FAM210A: variants seen among roughly 807,000 people sequenced by gnomAD.
FAM210A encodes family with sequence similarity 210 member A.
A neutral mutation model predicts 25.3 loss-of-function variants in FAM210A; 13 were observed. That is an observed-to-expected ratio of 0.51 (90% confidence interval 0.33 to 0.82). The LOEUF (loss-of-function observed/expected upper bound fraction) is 0.82, where lower values mean the gene tolerates loss of function less well. Among genes scored for constraint, FAM210A ranks in the 40% least tolerant of loss-of-function variants. The probability of loss-of-function intolerance (pLI) is 0.02; values close to 1 mark genes in which losing one functional copy is unlikely to be tolerated. For synonymous variants in FAM210A, 125 were observed against 118.7 expected (o/e 1.05, Z -0.35); for missense variants, 319 against 323.2 (o/e 0.99, Z 0.10).
chr18:13,722,883 A>G (rs1257301890), intron 1 of FAM210A, among the ~76,000 whole-genome samples: 1 of 148,628 alleles, frequency 6.7e-6, no homozygotes, highest in Admixed American at 6.7e-5. Flanking sequence ...TCACTCTGTC[A>G]CTCAGGTTGG....
rs1333136190 is a variant in FAM210A, at chr18:13,666,195, G to A, written c.*285C>T. 8 of 331,738 alleles carry A rather than the reference G, an allele frequency of 2.4e-5. No individual in the cohort carries two copies. The highest frequency in any genetic ancestry group is 1.1e-5 in the Non-Finnish European group (2 of 179,824). 20.5% of individuals were successfully genotyped at this position (331,738 alleles called of 1,614,324 possible). On this transcript the variant is annotated 3_prime_UTR_variant, in exon 4 of 4. Coordinates refer to ENST00000651643, the MANE Select transcript of FAM210A (RefSeq NM_152352.4). ...AGCTGCAACAAAACAGAAATCAAGT[G>A]TGGTTCTGAAGACCTTGAAAAAGAA...
chr18:13,677,713 A>G (rs573296313), intron 2 of FAM210A, among the ~76,000 whole-genome samples: 1 of 152,238 alleles, frequency 6.6e-6, no homozygotes, highest in African/African-American at 2.4e-5. Flanking sequence ...CTCCTCCCTT[A>G]TTAGTATTAC....
At chr18:13,703,718 C>T (rs112784437) in intron 1 of FAM210A, among the ~76,000 whole-genome samples, 7 of 152,058 alleles carry the variant, frequency 4.6e-5, no homozygotes, top group Middle Eastern at 3.2e-3. Flanking sequence ...ATAGCGTTTA[C>T]GTAAAAAAGC....
chr18:13,715,459 G>T (rs1185917634), intron 1 of FAM210A: 3 of 152,168 alleles, frequency 2.0e-5, no homozygotes, highest in African/African-American at 7.2e-5. Context: ...GTGGAGACAG[G>T]ATTATATCAA....
rs544023677 is a variant in FAM210A, at chr18:13,713,297, C to G, written c.-29+13032G>C. ...CAACATAACTTAACAACATAACTTA[C>G]AATTTCCATACCTGAGATAAGATTT... On this transcript the variant is annotated intron_variant, in intron 1 of 3. Coordinates refer to ENST00000651643, the MANE Select transcript of FAM210A (RefSeq NM_152352.4). Among the ~76,000 whole-genome samples the G allele has an allele frequency of 1.8e-4, 28 of 152,304 alleles. No homozygotes were observed. In the South Asian group the frequency reaches 5.6e-3, roughly 30 times the overall value.
intron 3 of FAM210A, 149 bp from the exon 4 acceptor site, chr18:13,666,862 TG>T (rs1264673512): frequency 1.5e-5 from 10 of 670,898 alleles, no homozygotes; most frequent in Non-Finnish European, 2.0e-5. Flanking sequence ...ATATCCTATA[TG>T]GTTTTCCCTC....
chr18:13,713,725 A>AACACAC (rs55691136), intron 1 of FAM210A, among the ~76,000 whole-genome samples: 428 of 142,006 alleles, frequency 3.0e-3, no homozygotes, highest in African/African-American at 9.8e-3. Context: ...GTCACTATAA[A>AACACAC]ACACACACAC....
At chr18:13,702,833 C>T (rs368319075) in intron 1 of FAM210A, among the ~76,000 whole-genome samples, 19 of 152,268 alleles carry the variant, frequency 1.2e-4, no homozygotes, top group East Asian at 3.9e-4. Context: ...CCAGGAACTG[C>T]GGAATTCTCC....
At chr18:13,712,353 A>T (rs1471697089) in intron 1 of FAM210A, among the ~76,000 whole-genome samples, 1 of 152,224 alleles carries the variant, frequency 6.6e-6, no homozygotes, top group African/African-American at 2.4e-5. Context: ...CTTAAAGAGA[A>T]AAGCATGTGA....
chr18:13,671,815 C>A, intron 3 of FAM210A, 47 bp downstream of exon 3: 1 of 1,228,010 alleles, frequency 8.1e-7, no homozygotes, highest in South Asian at 1.3e-5. Flanking sequence ...GTGAGCAGGT[C>A]ACCACCAGTG....
chr18:13,672,687 C>A (rs1194061666), intron 2 of FAM210A, among the ~76,000 whole-genome samples: 1 of 152,176 alleles, frequency 6.6e-6, no homozygotes, highest in Non-Finnish European at 1.5e-5. Flanking sequence ...GAATTACAGG[C>A]ATGAGCCACA....
At chr18:13,667,204 CT>C (rs1241515579) in intron 3 of FAM210A, among the ~76,000 whole-genome samples, 1 of 152,208 alleles carries the variant, frequency 6.6e-6, no homozygotes, top group African/African-American at 2.4e-5. Context: ...AATCCCTTTC[CT>C]TTGACTTTTC....
chr18:13,694,196 C>T (rs181355086), intron 1 of FAM210A, among the ~76,000 whole-genome samples: 22 of 152,276 alleles, frequency 1.4e-4, no homozygotes, highest in Admixed American at 1.3e-3. Flanking sequence ...TCAAGGAGAA[C>T]TACAAACCAC....
intron 2 of FAM210A, among the ~76,000 whole-genome samples, chr18:13,676,969 C>T (rs990873255): frequency 6.6e-6 from 1 of 152,070 alleles, no homozygotes; most frequent in Non-Finnish European, 1.5e-5. Context: ...ACCCCGCAGA[C>T]ACTGAGTTAA....
chr18:13,715,895 C>T (rs1414642016), intron 1 of FAM210A, among the ~76,000 whole-genome samples: 1 of 152,104 alleles, frequency 6.6e-6, no homozygotes, highest in Non-Finnish European at 1.5e-5. Flanking sequence ...TCTACTGTGG[C>T]TCAATGCTTA....
At position 13,726,477 on chromosome 18, in the gene FAM210A, G is replaced by GC. The variant is rs1008660268; in HGVS notation, c.-178dup. ...ACCCGCCGGGCTCAGCCGGACGCTA[G>GC]CCCCCTGCCGCCCCCGGCCCCGCCA... is the stretch of plus-strand genomic sequence containing the variant. On this transcript the variant is annotated 5_prime_UTR_variant, in exon 1 of 4. Transcript: ENST00000651643. The GC allele has an allele frequency of 4.6e-5, 7 of 152,604 alleles. No individual in the cohort carries two copies. Among genetic ancestry groups the GC allele is most frequent in the African/African-American group, 1.7e-4 (7 of 41,452 alleles). The allele number at this position is 152,604 out of a possible 1,614,324, so 9.5% of individuals were successfully genotyped here.
At chr18:13,698,933 G>A (rs891409437) in intron 1 of FAM210A, among the ~76,000 whole-genome samples, 13 of 152,176 alleles carry the variant, frequency 8.5e-5, no homozygotes, top group African/African-American at 2.4e-4. Flanking sequence ...TGCAGTTGCT[G>A]TAGAGCCGCC....
intron 1 of FAM210A, among the ~76,000 whole-genome samples, chr18:13,720,080 G>A (rs911469467): frequency 1.3e-5 from 2 of 152,086 alleles, no homozygotes; most frequent in Non-Finnish European, 2.9e-5. Context: ...GGTGGCCCAC[G>A]GTTAAGCGTA....
intron 1 of FAM210A, among the ~76,000 whole-genome samples, chr18:13,685,613 C>T (rs2043590402): frequency 6.6e-6 from 1 of 152,098 alleles, no homozygotes; most frequent in South Asian, 2.1e-4. Flanking sequence ...AGTTATGACC[C>T]ATATGCCCCC....
Sources: allele counts gnomAD v4.1 joint callset (sites outside exome capture counted in the v4.1 genomes callset), GRCh38; gene constraint gnomAD v4.1.1; transcripts MANE v1.5; gene names NCBI Gene and HGNC (gene_info 2026-07-23, HGNC 2026-07-21).